The following ZHX3 variants were observed in gnomAD, a reference collection of about 807,000 sequenced individuals.
The protein encoded by ZHX3 is zinc fingers and homeoboxes protein 3.
In ZHX3, 20 loss-of-function variants were observed where a neutral mutation model predicts 64.5. The observed-to-expected ratio is 0.31, with a 90% CI of 0.22 to 0.45. The LOEUF is 0.45. Ranked by LOEUF, ZHX3 falls within the 20% of genes least tolerant of loss-of-function variation. ZHX3 has a pLI of 1.00. For synonymous variants in ZHX3, 423 were observed against 461.6 expected (o/e 0.92, Z 1.07); for missense variants, 1,041 against 1,195.8 (o/e 0.87, Z 1.91).
rs748783597 is a variant in ZHX3, at chr20:41,202,162, T to C, written c.2755A>G (p.Thr919Ala). ...LTAVHKGMGD[T>A]YSEVSENSES... ...CTGTTCTCAGACACCTCTGAATAGG[T>C]GTCACCCATCCCTTTGTGAACTGCT... Residue 919 changes from threonine to alanine, a missense_variant, in exon 3 of 4, where the codon ACC becomes GCC. By Grantham distance (58) the Thr-to-Ala change is moderately conservative. Transcript: ENST00000683867. The surrounding 1 kb of genome is among the most constrained non-coding windows in gnomAD (Gnocchi z 7.0). The C allele has an allele frequency of 8.4e-5, 136 of 1,614,098 alleles. No homozygotes were observed. The highest frequency in any genetic ancestry group is 6.7e-5 in the East Asian group (3 of 44,876).
chr20:41,313,358 T>A (rs1415965691), intron 1 of ZHX3, among the ~76,000 whole-genome samples: 1 of 152,168 alleles, frequency 6.6e-6, no homozygotes, highest in Non-Finnish European at 1.5e-5. Context: ...AAGAGTCATC[T>A]GCATCCAGGG....
intron 2 of ZHX3, among the ~76,000 whole-genome samples, chr20:41,264,385 C>CAAAA (rs1165922837): frequency 3.0e-4 from 22 of 74,460 alleles, no homozygotes; most frequent in South Asian, 2.9e-3. Context: ...ACCAAAAATA[C>CAAAA]AAAAAAAAAA....
chr20:41,211,877 A>G (rs947923231), intron 2 of ZHX3, among the ~76,000 whole-genome samples: 15 of 152,350 alleles, frequency 9.8e-5, no homozygotes, highest in African/African-American at 3.4e-4. Context: ...TCCTTTGTAT[A>G]TATCATTGGC....
rs1247476228 is a variant in ZHX3 at position 41,185,269 on chromosome 20, C to G, written c.2861-68G>C. The G allele has an allele frequency of 1.3e-6, 2 of 1,520,460 alleles. No homozygotes were observed. The highest frequency in any genetic ancestry group is 4.0e-5 in the Admixed American group (2 of 50,254). 94.2% of individuals were successfully genotyped at this position (1,520,460 alleles called of 1,614,324 possible). A position where few individuals can be genotyped will look rare whatever the true frequency, so the allele number is the denominator to read the frequency against. On this transcript the variant is annotated intron_variant, in intron 3 of 3. Coordinates refer to ENST00000683867, the MANE Select transcript of ZHX3 (RefSeq NM_001384317.1). This position sits in a 1 kb window ranked among gnomAD's most constrained non-coding sequence, Gnocchi z 5.0. ...CCACCTGCCCCCCAGGCAGCCTGGT[C>G]CTTGCTATACCAGGGTGGCATCACT...
chr20:41,187,577 T>C (rs60901720), intron 3 of ZHX3, among the ~76,000 whole-genome samples: 203 of 152,308 alleles, frequency 1.3e-3, no homozygotes, highest in African/African-American at 4.8e-3. Flanking sequence ...CAAAAATCAA[T>C]TGACCATTAC....
rs75741743 is a variant in ZHX3 at position 41,193,689 on chromosome 20, T to G, written c.2860+8368A>C. On this transcript the variant is annotated intron_variant, in intron 3 of 3. Coordinates refer to ENST00000683867, the MANE Select transcript of ZHX3 (RefSeq NM_001384317.1). Reference sequence around the variant, plus strand: ...TTGTGTGTGTGTGGATTCAAGTTTTTTTTTTGTTGTTGTTGTTGTTTTTGT... The same window carrying G: ...TTGTGTGTGTGTGGATTCAAGTTTTGTTTTTGTTGTTGTTGTTGTTTTTGT... 2.2e-3 allele frequency among the ~76,000 whole-genome samples: 321 copies of G among 146,852 alleles called. 2 individuals are homozygous for G. In the East Asian group the frequency reaches 0.042, roughly 19 times the overall value.
At chr20:41,299,098 G>A (rs1412321550) in intron 1 of ZHX3, among the ~76,000 whole-genome samples, 1 of 152,192 alleles carries the variant, frequency 6.6e-6, no homozygotes, top group Non-Finnish European at 1.5e-5. Context: ...GGAATCAATA[G>A]AGTGCAGCTC....
intron 1 of ZHX3, among the ~76,000 whole-genome samples, chr20:41,280,112 C>A (rs1568937851): frequency 6.6e-6 from 1 of 152,166 alleles, no homozygotes; most frequent in African/African-American, 2.4e-5. Context: ...ACCCAGAAGG[C>A]AGCTGACTGA....
At chr20:41,189,354 T>C (rs2036807912) in intron 3 of ZHX3, among the ~76,000 whole-genome samples, 1 of 152,162 alleles carries the variant, frequency 6.6e-6, no homozygotes, top group Non-Finnish European at 1.5e-5. Flanking sequence ...AATTTTAGGG[T>C]TTTTTTCTAC....
chr20:41,249,438 A>G (rs1045896806), intron 2 of ZHX3, among the ~76,000 whole-genome samples: 1 of 152,228 alleles, frequency 6.6e-6, no homozygotes, highest in African/African-American at 2.4e-5. Context: ...TTCAGTGAGC[A>G]TAAGAACAAG....
chr20:41,187,830 A>G (rs1223528927), intron 3 of ZHX3, among the ~76,000 whole-genome samples: 1 of 152,102 alleles, frequency 6.6e-6, no homozygotes, highest in African/African-American at 2.4e-5. Context: ...ACATGTGAAT[A>G]TTTTTTACAT....
chr20:41,199,060 GA>G (rs1290061151), intron 3 of ZHX3, among the ~76,000 whole-genome samples: 9 of 152,036 alleles, frequency 5.9e-5, no homozygotes, highest in African/African-American at 1.9e-4. Context: ...TTTAGCTCTA[GA>G]ATTTGTTTGG....
chr20:41,299,297 C>CA (rs2044696147), intron 1 of ZHX3, among the ~76,000 whole-genome samples: 1 of 151,912 alleles, frequency 6.6e-6, no homozygotes, highest in Admixed American at 6.6e-5. Context: ...AACACTATAT[C>CA]AAAAAAGGCA....
intron 2 of ZHX3, among the ~76,000 whole-genome samples, chr20:41,235,858 A>G (rs1182199000): frequency 1.3e-5 from 2 of 152,212 alleles, no homozygotes; most frequent in African/African-American, 4.8e-5. Flanking sequence ...ACATGATTGT[A>G]TATCTAGAAA....
At chr20:41,189,423 T>G (rs2036812760) in intron 3 of ZHX3, among the ~76,000 whole-genome samples, 2 of 152,250 alleles carry the variant, frequency 1.3e-5, no homozygotes, top group Non-Finnish European at 2.9e-5. Context: ...TGTAGATTGC[T>G]TTGGACAGTG....
intron 1 of ZHX3, among the ~76,000 whole-genome samples, chr20:41,296,195 T>A (rs2044507161): frequency 6.8e-6 from 1 of 146,030 alleles, no homozygotes; most frequent in African/African-American, 2.6e-5. Context: ...GTTGAGTTTT[T>A]TTCCTCTTCT....
intron 2 of ZHX3, among the ~76,000 whole-genome samples, chr20:41,207,862 G>A (rs1272688321): frequency 6.6e-6 from 1 of 152,136 alleles, no homozygotes; most frequent in African/African-American, 2.4e-5. Context: ...AACTGAAGGA[G>A]ATAGAGACAC....
intron 1 of ZHX3, among the ~76,000 whole-genome samples, chr20:41,314,401 A>G (rs574383221): frequency 6.6e-6 from 1 of 152,378 alleles, no homozygotes; most frequent in East Asian, 1.9e-4. Flanking sequence ...CAGAAAAATA[A>G]GTAAATATGT....
chr20:41,245,373 C>T (rs1255651048), intron 2 of ZHX3, among the ~76,000 whole-genome samples: 2 of 152,202 alleles, frequency 1.3e-5, no homozygotes, highest in Non-Finnish European at 2.9e-5. Flanking sequence ...GCTGTAGCTG[C>T]CTGCTTGTCT....
Sources: gnomAD v4.1 joint callset for allele counts (sites outside exome capture counted in the v4.1 genomes callset) on GRCh38, gnomAD v4.1.1 for gene constraint, Gnocchi (gnomAD v3.1) non-coding constraint, MANE v1.5 for transcripts, NCBI Gene and HGNC (gene_info 2026-07-23, HGNC 2026-07-21) for gene names.